The following NUCB2 variants were observed in gnomAD, a reference collection of about 807,000 sequenced individuals.
NUCB2 encodes the protein nucleobindin 2.
A neutral mutation model predicts 57.9 loss-of-function variants in NUCB2; 48 were observed. The observed-to-expected ratio is 0.83, with a 90% confidence interval of 0.66 to 1.05. The LOEUF (loss-of-function observed/expected upper bound fraction) is 1.05, where lower values mean the gene tolerates loss of function less well. Among genes scored for constraint, NUCB2 ranks in the 50% least tolerant of loss-of-function variants. NUCB2 has a pLI of 0.00. For missense variants in NUCB2, 442 were observed against 476.2 expected (o/e 0.93, Z 0.67); for synonymous variants, 139 against 152.1 (o/e 0.91, Z 0.64).
At chr11:17,318,889 T>C (rs1053401150) in intron 11 of NUCB2, among the ~76,000 whole-genome samples, 34 of 152,272 alleles carry the variant, frequency 2.2e-4, no homozygotes, top group African/African-American at 7.9e-4. Context: ...TCTTTAAACA[T>C]ATCAGAGCTG....
chr11:17,279,199 A>T (rs1942021145), intron 1 of NUCB2, among the ~76,000 whole-genome samples: 1 of 152,302 alleles, frequency 6.6e-6, no homozygotes, highest in African/African-American at 2.4e-5. Flanking sequence ...TCTCAAAAAC[A>T]AAACAAAAAA....
intron 2 of NUCB2, 62 bp from the exon 3 acceptor site, chr11:17,295,262 A>G (rs1945641516): frequency 1.4e-6 from 2 of 1,391,470 alleles, no homozygotes; most frequent in South Asian, 1.5e-5. Flanking sequence ...GACATTCGGA[A>G]TGCATGTATA....
At chr11:17,277,504 AAGG>A (rs1354968933) in intron 1 of NUCB2, among the ~76,000 whole-genome samples, 1 of 152,112 alleles carries the variant, frequency 6.6e-6, no homozygotes, top group South Asian at 2.1e-4. Flanking sequence ...GGAGGGAAAG[AAGG>A]AGAGAGAGAG....
chr11:17,346,919 A>G (rs1952791060), intron 2 of NUCB2, among the ~76,000 whole-genome samples: 1 of 152,174 alleles, frequency 6.6e-6, no homozygotes, highest in Non-Finnish European at 1.5e-5. Context: ...AAATTAAATC[A>G]TTGCAACGAT....
At chr11:17,339,607 G>GT (rs1952086806) in intron 2 of NUCB2, among the ~76,000 whole-genome samples, 1 of 149,630 alleles carries the variant, frequency 6.7e-6, no homozygotes, top group South Asian at 2.1e-4. Flanking sequence ...GTGGTGTTTG[G>GT]TTTTTTGTCC....
intron 5 of NUCB2, among the ~76,000 whole-genome samples, chr11:17,303,380 C>G (rs990391526): frequency 2.4e-4 from 37 of 151,628 alleles, no homozygotes; most frequent in African/African-American, 8.5e-4. Flanking sequence ...ATAAGATGGA[C>G]TTAATATTAG....
chr11:17,311,892 C>G lies in NUCB2; in HGVS notation c.781C>G (p.Leu261Val). The change falls in exon 9 of 14, where the codon CTG becomes GTG. Residue 261 changes from leucine to valine, a missense_variant. Physicochemically the swap from Leu to Val is conservative, Grantham distance 32. Coordinates refer to ENST00000529010, the MANE Select transcript of NUCB2 (RefSeq NM_005013.4). ...KLHDVNSDGFLDEQELEALFT... is the reference protein window; with the variant it reads ...KLHDVNSDGFVDEQELEALFT... ...TTTAGATGTCAATAGTGATGGATTC[C>G]TGGATGAACAAGAATTAGAAGCCCT... 1 of 1,596,906 alleles carries G rather than the reference C, an allele frequency of 6.3e-7. No homozygotes were observed. Among genetic ancestry groups the G allele is most frequent in the Non-Finnish European group, 8.6e-7 (1 of 1,169,350 alleles).
chr11:17,324,755 G>A (rs1248798396), intron 11 of NUCB2, among the ~76,000 whole-genome samples: 3 of 151,534 alleles, frequency 2.0e-5, no homozygotes, highest in Non-Finnish European at 4.4e-5. Context: ...GACTTGTTTT[G>A]TGACCTAGCA....
intron 10 of NUCB2, among the ~76,000 whole-genome samples, chr11:17,314,605 T>A (rs1379704253): frequency 6.6e-6 from 1 of 152,200 alleles, no homozygotes; most frequent in East Asian, 1.9e-4. Context: ...CAAATGTCCA[T>A]GGTCCATCCA....
At position 17,330,905 on chromosome 11, in the gene NUCB2, A is replaced by T; in HGVS notation, c.1177A>T (p.Ile393Leu). Residue 393 changes from isoleucine (I) to leucine (L), a missense_variant, in exon 13 of 14, where the codon ATA (isoleucine) becomes TTA (leucine). Ile to Leu is a conservative substitution (Grantham distance 5, BLOSUM62 2). Coordinates refer to ENST00000529010, the MANE Select transcript of NUCB2 (RefSeq NM_005013.4). This position sits in a 1 kb window ranked among gnomAD's most constrained non-coding sequence, Gnocchi z 4.3. ...EAQKLEYHQV[I>L]QQMEQKKLQQ... ...ACTTTCATTTTCCATTCACCAGGTC[A>T]TACAGCAGATGGAACAAAAAAAATT... 1 of 1,591,622 alleles carries T rather than the reference A, an allele frequency of 6.3e-7. No individual in the cohort carries two copies. The highest frequency in any genetic ancestry group is 8.6e-7 in the Non-Finnish European group (1 of 1,160,920).
intron 11 of NUCB2, among the ~76,000 whole-genome samples, chr11:17,324,035 T>A (rs1351422961): frequency 2.0e-5 from 3 of 152,234 alleles, no homozygotes; most frequent in Non-Finnish European, 4.4e-5. Flanking sequence ...TCATTGATCT[T>A]TTGTATCATT....
At position 17,296,218 on chromosome 11, in the gene NUCB2, G is replaced by A. The variant is rs773221309; in HGVS notation, c.252+7G>A. On this transcript the variant is annotated splice_region_variant and intron_variant, in intron 4 of 13. Coordinates refer to ENST00000529010, the MANE Select transcript of NUCB2 (RefSeq NM_005013.4). The stretch of plus-strand genomic sequence containing the variant: ...AGACATAGAGGAAATAAAGGTAAAT[G>A]CAATTCAATAATATATACATATATG... 6.5e-7 allele frequency: 1 copy of A among 1,529,122 alleles called. No homozygotes were observed. 94.7% of individuals were successfully genotyped at this position (1,529,122 alleles called of 1,614,324 possible). A position where few individuals can be genotyped will look rare whatever the true frequency, so the allele number is the denominator to read the frequency against.
chr11:17,285,934 T>TACACACACAC lies in NUCB2; in HGVS notation c.-1+3015_-1+3024dup, dbSNP rs140090235. On this transcript the variant is annotated intron_variant, in intron 2 of 13. Transcript: ENST00000529010. ...ACACATACATGCGCGCACGTGTGCG[T>TACACACACAC]ACACACACACACACACACACACACA... Among the ~76,000 whole-genome samples the TACACACACAC allele has an allele frequency of 1.3e-3, 189 of 143,530 alleles. No homozygotes were observed. The East Asian group carries it at 0.024, about 19-fold the overall frequency. The allele number at this position is 143,530 out of a possible 152,430, so 94.2% of individuals were successfully genotyped here. A position where few individuals can be genotyped will look rare whatever the true frequency, so the allele number is the denominator to read the frequency against.
At chr11:17,332,313 A>C (rs552545257), downstream of NUCB2, 1 of 152,048 alleles carries the variant, frequency 6.6e-6, no homozygotes, top group Non-Finnish European at 1.5e-5. Flanking sequence ...TTCGACCAGA[A>C]CTGGGTCACA....
intron 4 of NUCB2, among the ~76,000 whole-genome samples, chr11:17,300,642 G>A (rs1946552420): frequency 6.6e-6 from 1 of 152,004 alleles, no homozygotes; most frequent in Non-Finnish European, 1.5e-5. Context: ...CCATTGTATT[G>A]GTATACTATA....
chr11:17,311,233 A>C lies in NUCB2; in HGVS notation c.710A>C (p.Asp237Ala). The C allele has an allele frequency of 6.2e-7, 1 of 1,610,756 alleles. No homozygotes were observed. Among genetic ancestry groups the C allele is most frequent in the Non-Finnish European group, 8.5e-7 (1 of 1,179,076 alleles). Reference sequence around the variant, plus strand: ...CTAAAAGAGGTATGGGAAGAGACTGATGGATTGGATCCTAATGACTTTGAC... The same window carrying C: ...CTAAAAGAGGTATGGGAAGAGACTGCTGGATTGGATCCTAATGACTTTGAC... ...DQLKEVWEET[D>A]GLDPNDFDPK... The change falls in exon 8 of 14, where the codon GAT becomes GCT. Residue 237 changes from aspartate (D) to alanine (A), a missense_variant. Transcript: ENST00000529010.
intron 11 of NUCB2, among the ~76,000 whole-genome samples, chr11:17,327,591 T>C (rs1363883073): frequency 6.6e-6 from 1 of 152,348 alleles, no homozygotes; most frequent in Admixed American, 6.5e-5. Flanking sequence ...TTTCTAGATC[T>C]TGTAAGCATG....
chr11:17,309,510 A>G, intron 5 of NUCB2, 62 bp from the exon 6 acceptor site: 2 of 939,880 alleles, frequency 2.1e-6, no homozygotes, highest in South Asian at 3.3e-5. Context: ...TTTCTTGTGT[A>G]TAATTATTAT....
At chr11:17,322,244 T>C (rs1274800336) in intron 11 of NUCB2, among the ~76,000 whole-genome samples, 2 of 152,198 alleles carry the variant, frequency 1.3e-5, no homozygotes, top group South Asian at 2.1e-4. Flanking sequence ...GTTAAGTCTT[T>C]AATCCATTTT....
Sources: allele counts gnomAD v4.1 joint callset (sites outside exome capture counted in the v4.1 genomes callset), GRCh38; gene constraint gnomAD v4.1.1; non-coding constraint Gnocchi (gnomAD v3.1); transcripts MANE v1.5; gene names NCBI Gene and HGNC (gene_info 2026-07-23, HGNC 2026-07-21).